The following ZNF280D variants were observed in gnomAD, a reference collection of about 807,000 sequenced individuals.
The protein encoded by ZNF280D is suppressor of hairy wing homolog 4.
A neutral mutation model predicts 94.7 loss-of-function variants in ZNF280D; 39 were observed. That is an observed-to-expected ratio of 0.41 (90% confidence interval 0.32 to 0.54). The LOEUF (loss-of-function observed/expected upper bound fraction) is 0.54. ZNF280D is among the 20% of genes least tolerant of loss of function. The probability of loss-of-function intolerance (pLI) is 0.22; values close to 1 mark genes in which losing one functional copy is unlikely to be tolerated. For missense variants in ZNF280D, 1,090 were observed against 1,149.3 expected, an observed-to-expected ratio of 0.95 and a Z score of 0.75; for synonymous variants, 398 against 377.6, an observed-to-expected ratio of 1.05 and a Z score of -0.63.
intron 19 of ZNF280D, among the ~76,000 whole-genome samples, chr15:56,648,251 C>T (rs1351739811): frequency 3.9e-5 from 6 of 152,038 alleles, no homozygotes; most frequent in African/African-American, 1.2e-4. Flanking sequence ...TACTAAAAGA[C>T]CAGTTTATAC....
Position 56,675,588 on chromosome 15 carries a change from T to C in ZNF280D, c.1410+1082A>G, listed in dbSNP as rs545931473. ...TTCTTACTATATGTAATTTACTATATGTAATTGGGGAAACCTTAGAATAGA... is the reference window on the plus strand; with the variant it reads ...TTCTTACTATATGTAATTTACTATACGTAATTGGGGAAACCTTAGAATAGA... On this transcript the variant is annotated intron_variant, in intron 13 of 21. Coordinates refer to ENST00000267807, the MANE Select transcript of ZNF280D (RefSeq NM_017661.4). Among the ~76,000 whole-genome samples the C allele has an allele frequency of 2.7e-4, 41 of 152,174 alleles. 1 individual carries two copies. Among genetic ancestry groups the C allele is most frequent in the African/African-American group, 9.4e-4 (39 of 41,512 alleles).
chr15:56,706,321 A>G (rs1296582973), intron 3 of ZNF280D, among the ~76,000 whole-genome samples: 2 of 150,336 alleles, frequency 1.3e-5, no homozygotes, highest in African/African-American at 2.5e-5. Context: ...CTAAAAATAG[A>G]AAAAAAATTA....
Position 56,633,028 on chromosome 15 carries a change from C to T in ZNF280D, c.2316-906G>A, listed in dbSNP as rs114227462. ...TCTGGCCCTGAAGTGTTAACAGAAA[C>T]TATCTAGTGAATCACAAAATATGAG... On this transcript the variant is annotated intron_variant, in intron 21 of 21. Coordinates refer to ENST00000267807, the MANE Select transcript of ZNF280D (RefSeq NM_017661.4). Among the ~76,000 whole-genome samples, 468 of 152,048 alleles carry T rather than the reference C, an allele frequency of 3.1e-3. 6 individuals carry two copies. The highest frequency in any genetic ancestry group is 0.011 in the African/African-American group (445 of 41,472).
chr15:56,704,865 C>A (rs577942808), intron 3 of ZNF280D, among the ~76,000 whole-genome samples: 3 of 152,134 alleles, frequency 2.0e-5, no homozygotes, highest in Admixed American at 6.5e-5. Flanking sequence ...CATCTGTAAT[C>A]CCAGCTCCTT....
At chr15:56,659,560 T>C (rs1041129587) in intron 16 of ZNF280D, among the ~76,000 whole-genome samples, 1 of 152,104 alleles carries the variant, frequency 6.6e-6, no homozygotes, top group Non-Finnish European at 1.5e-5. Flanking sequence ...ACCTTTATTA[T>C]ACATAGTATG....
Position 56,670,613 on chromosome 15 carries a change from G to A in ZNF280D, c.1411-1656C>T, listed in dbSNP as rs185921396. Among the ~76,000 whole-genome samples, 428 of 151,982 alleles carry A rather than the reference G, an allele frequency of 2.8e-3. 2 individuals carry two copies. Among genetic ancestry groups the A allele is most frequent in the Non-Finnish European group, 4.6e-3 (311 of 67,908 alleles). On this transcript the variant is annotated intron_variant, in intron 13 of 21. Transcript: ENST00000267807. ...CCACTGATGGGCATCTAGGCTGATTGCATGTCTTTGCTATTGTGAATAGTG... is the reference window on the plus strand; with the variant it reads ...CCACTGATGGGCATCTAGGCTGATTACATGTCTTTGCTATTGTGAATAGTG...
chr15:56,732,527 A>G (rs2058942406), intron 1 of ZNF280D: 1 of 152,162 alleles, frequency 6.6e-6, no homozygotes, highest in Non-Finnish European at 1.5e-5. Context: ...CTAGCGTTCC[A>G]TTTTATGTTT....
intron 19 of ZNF280D, chr15:56,653,390 A>T: frequency 8.4e-6 from 11 of 1,313,018 alleles, no homozygotes; most frequent in Non-Finnish European, 1.1e-5. Flanking sequence ...CTCTGGCCAA[A>T]CAACATCAGC....
intron 19 of ZNF280D, among the ~76,000 whole-genome samples, chr15:56,644,472 T>C (rs1029479933): frequency 6.6e-6 from 1 of 152,100 alleles, no homozygotes; most frequent in Non-Finnish European, 1.5e-5. Flanking sequence ...AGTTTTGAAA[T>C]AAATGTGTAT....
intron 1 of ZNF280D, among the ~76,000 whole-genome samples, chr15:56,727,378 G>A (rs924554831): frequency 1.3e-5 from 2 of 152,142 alleles, no homozygotes; most frequent in Non-Finnish European, 2.9e-5. Flanking sequence ...AGAATCACTT[G>A]AACCCGGGAA....
chr15:56,653,433 C>T lies in ZNF280D; in HGVS notation c.2213+765G>A. On this transcript the variant is annotated intron_variant, in intron 19 of 21. Transcript: ENST00000267807. ...GAGGCCAGCCATGTAGAAAGGGAGTCTCCCCAAGATCTGATTTCTTGAGGC... is the reference window on the plus strand; with the variant it reads ...GAGGCCAGCCATGTAGAAAGGGAGTTTCCCCAAGATCTGATTTCTTGAGGC... The T allele has an allele frequency of 7.8e-6, 11 of 1,418,144 alleles. No homozygotes were observed. In the South Asian group the frequency reaches 1.7e-4, roughly 22 times the overall value. The allele number at this position is 1,418,144 out of a possible 1,614,324, so 87.8% of individuals were successfully genotyped here. A position where few individuals can be genotyped will look rare whatever the true frequency, so the allele number is the denominator to read the frequency against.
intron 6 of ZNF280D, chr15:56,699,684 G>A: frequency 1.5e-6 from 1 of 662,566 alleles, no homozygotes; most frequent in Non-Finnish European, 1.9e-6. Flanking sequence ...AAAAAAATCA[G>A]GTAGTTTACC....
At chr15:56,687,174 T>A (rs1037527377) in intron 9 of ZNF280D, among the ~76,000 whole-genome samples, 2 of 152,144 alleles carry the variant, frequency 1.3e-5, no homozygotes, top group Admixed American at 6.5e-5. Context: ...CCTTATGATA[T>A]AAACACATAC....
At chr15:56,722,208 T>A (rs536918281) in intron 1 of ZNF280D, among the ~76,000 whole-genome samples, 8 of 152,082 alleles carry the variant, frequency 5.3e-5, no homozygotes, top group Non-Finnish European at 1.2e-4. Flanking sequence ...AATAGTAACA[T>A]TAAAGATCAC....
intron 20 of ZNF280D, among the ~76,000 whole-genome samples, chr15:56,642,662 T>A (rs143888011): frequency 6.6e-6 from 1 of 151,734 alleles, no homozygotes; most frequent in Non-Finnish European, 1.5e-5. Context: ...TTTTACTGAT[T>A]TGGGGATTTT....
intron 6 of ZNF280D, chr15:56,697,748 CAG>C (rs1443080240): frequency 1.9e-4 from 29 of 152,102 alleles, no homozygotes; most frequent in Admixed American, 1.6e-3. Flanking sequence ...GAAATTAAAA[CAG>C]AGAATATTTT....
intron 1 of ZNF280D, among the ~76,000 whole-genome samples, chr15:56,716,561 G>C (rs1309691471): frequency 1.3e-5 from 2 of 148,822 alleles, no homozygotes; most frequent in African/African-American, 4.9e-5. Flanking sequence ...CATAGAGATA[G>C]ACAAGAGTTA....
intron 1 of ZNF280D, among the ~76,000 whole-genome samples, chr15:56,719,410 T>A (rs1453897642): frequency 6.6e-6 from 1 of 151,990 alleles, no homozygotes; most frequent in Non-Finnish European, 1.5e-5. Flanking sequence ...TTTCACCTTA[T>A]AAATCGCTAC....
chr15:56,640,352 A>G (rs1298584853), intron 20 of ZNF280D, among the ~76,000 whole-genome samples: 1 of 152,004 alleles, frequency 6.6e-6, no homozygotes, highest in African/African-American at 2.4e-5. Context: ...TCTAACTCCT[A>G]GACTTAAGCA....
Sources: allele counts gnomAD v4.1 joint callset (sites outside exome capture counted in the v4.1 genomes callset), GRCh38; gene constraint gnomAD v4.1.1; transcripts MANE v1.5; gene names NCBI Gene and HGNC (gene_info 2026-07-23, HGNC 2026-07-21).